ZNF652: variants seen among roughly 807,000 people sequenced by gnomAD.
ZNF652 encodes zinc finger protein 652.
A neutral mutation model predicts 45.2 loss-of-function variants in ZNF652; 16 were observed. That is an observed-to-expected ratio of 0.35 (90% CI 0.24 to 0.54). ZNF652 has a LOEUF of 0.54. Ranked by LOEUF, ZNF652 falls within the 20% of genes least tolerant of loss-of-function variation. ZNF652 has a pLI of 0.91. For missense variants in ZNF652, 614 were observed against 765.6 expected (o/e 0.80, Z 2.34); for synonymous variants, 250 against 260.6 (o/e 0.96, Z 0.39).
intron 1 of ZNF652, among the ~76,000 whole-genome samples, chr17:49,358,500 T>A (rs76242173): frequency 6.6e-6 from 1 of 152,168 alleles, no homozygotes; most frequent in Non-Finnish European, 1.5e-5. Flanking sequence ...CTCAGCTGAC[T>A]TTTTTATAAC....
At chr17:49,307,895 G>T (rs2069654994) in intron 5 of ZNF652, among the ~76,000 whole-genome samples, 1 of 152,234 alleles carries the variant, frequency 6.6e-6, no homozygotes, top group South Asian at 2.1e-4. Context: ...AAATTTATAA[G>T]AAATATATAG....
chr17:49,301,067 CT>C (rs1374175834), intron 5 of ZNF652, among the ~76,000 whole-genome samples: 2 of 152,072 alleles, frequency 1.3e-5, no homozygotes, highest in African/African-American at 4.8e-5. Flanking sequence ...TTTGGGACTC[CT>C]TTTTTCCCAC....
At position 49,295,942 on chromosome 17, in the gene ZNF652, A is replaced by AAAAAAC. The variant is rs1197226058; in HGVS notation, c.*2470_*2471insGTTTTT. The AAAAAAC allele has an allele frequency of 0.015, 1,352 of 88,736 alleles. 65 individuals are homozygous for AAAAAAC. The highest frequency in any genetic ancestry group is 0.057 in the African/African-American group (1,278 of 22,242). The allele number at this position is 88,736 out of a possible 1,614,324, so 5.5% of individuals were successfully genotyped here. On this transcript the variant is annotated 3_prime_UTR_variant, in exon 6 of 6. Coordinates refer to ENST00000430262, the MANE Select transcript of ZNF652 (RefSeq NM_001145365.3). ...AACAGAACAAGACTCTGCCTCAAAA[A>AAAAAAC]AAAAAAAAAAAAAAAAAAAAAAACA...
chr17:49,343,724 C>T lies in ZNF652; in HGVS notation c.-259+18185G>A, dbSNP rs146342655. Among the ~76,000 whole-genome samples, 151 of 151,268 alleles carry T rather than the reference C, an allele frequency of 1.0e-3. 7 individuals carry two copies. The East Asian group carries it at 0.022, about 22-fold the overall frequency. ...AAGATAACCAAACCAAGGATGTGAC[C>T]GAGCAGGCTGCCCAGAGCCCTGGGT... On this transcript the variant is annotated intron_variant, in intron 1 of 5. Transcript: ENST00000430262.
At position 49,307,650 on chromosome 17, in the gene ZNF652, G is replaced by A. The variant is rs369601054; in HGVS notation, c.1309+3662C>T. Among the ~76,000 whole-genome samples, 23 of 151,728 alleles carry A rather than the reference G, an allele frequency of 1.5e-4. 2 individuals carry two copies. In the East Asian group the frequency reaches 3.9e-3, roughly 26 times the overall value. On this transcript the variant is annotated intron_variant, in intron 5 of 5. Transcript: ENST00000430262. ...GCCTGTAATCCCAGCTACTCAGGAG[G>A]TTGAAGCAGGAGAATCGCTTGAACA...
At chr17:49,325,312 G>C (rs1388571385) in intron 1 of ZNF652, among the ~76,000 whole-genome samples, 1 of 152,122 alleles carries the variant, frequency 6.6e-6, no homozygotes, top group Non-Finnish European at 1.5e-5. Context: ...GAGAGGGAGA[G>C]AGATGGTGTA....
intron 1 of ZNF652, among the ~76,000 whole-genome samples, chr17:49,351,000 TATATATATATATATACACACACACAC>T (rs1429198950): frequency 8.3e-4 from 17 of 20,364 alleles, no homozygotes; most frequent in African/African-American, 3.9e-3. Context: ...TATATATATA[TATATATATATATATACACACACACAC>T]ACACACACAC....
intron 1 of ZNF652, among the ~76,000 whole-genome samples, chr17:49,357,882 T>C (rs969050565): frequency 3.3e-5 from 5 of 152,196 alleles, no homozygotes; most frequent in South Asian, 4.1e-4. Flanking sequence ...AATAAGCACA[T>C]TGCACCTGCA....
intron 5 of ZNF652, among the ~76,000 whole-genome samples, chr17:49,307,796 T>C (rs924013099): frequency 5.3e-5 from 8 of 152,084 alleles, no homozygotes; most frequent in South Asian, 2.1e-4. Context: ...CTTTATAGGA[T>C]TGTTGCAAAG....
At chr17:49,334,437 TCATTC>T (rs1309661674) in intron 1 of ZNF652, among the ~76,000 whole-genome samples, 1 of 151,982 alleles carries the variant, frequency 6.6e-6, no homozygotes, top group African/African-American at 2.4e-5. Flanking sequence ...TGAGCCATGA[TCATTC>T]CACTACACTC....
At chr17:49,331,279 G>A (rs1023941452) in intron 1 of ZNF652, among the ~76,000 whole-genome samples, 16 of 151,688 alleles carry the variant, frequency 1.1e-4, no homozygotes, top group Middle Eastern at 3.4e-3. Context: ...CCGCTACCAC[G>A]CCCGGCTAAT....
intron 1 of ZNF652, among the ~76,000 whole-genome samples, chr17:49,337,337 T>TAA (rs71369295): frequency 3.1e-5 from 4 of 130,530 alleles, no homozygotes; most frequent in East Asian, 2.1e-4. Context: ...CCCATTCTCT[T>TAA]AAAAAAAAAA....
At chr17:49,361,800 A>T (rs1405060218) in intron 1 of ZNF652, 109 bp downstream of exon 1, 1 of 151,536 alleles carries the variant, frequency 6.6e-6, no homozygotes, top group African/African-American at 2.4e-5. Context: ...GCGAAGGGTT[A>T]CGCCGGCCCC....
At chr17:49,332,229 C>T (rs1405868881) in intron 1 of ZNF652, among the ~76,000 whole-genome samples, 2 of 152,176 alleles carry the variant, frequency 1.3e-5, no homozygotes, top group Non-Finnish European at 2.9e-5. Context: ...GATCGCACCA[C>T]TGCACTCCAG....
chr17:49,317,807 TTTCTC>T lies in ZNF652; in HGVS notation c.-87_-83del. 1 of 1,339,942 alleles carries T rather than the reference TTTCTC, an allele frequency of 7.5e-7. No homozygotes were observed. Among genetic ancestry groups the T allele is most frequent in the South Asian group, 1.6e-5 (1 of 61,312 alleles). 83.0% of individuals were successfully genotyped at this position (1,339,942 alleles called of 1,614,324 possible). ...AAGGTAATTATTAAGACTCAAATCT[TTTCTC>T]ATCCACAAAGAATCACTCAAATGAA... On this transcript the variant is annotated 5_prime_UTR_variant, in exon 2 of 6. The change abolishes an upstream ATG in the 5' untranslated region. Transcript: ENST00000430262.
At chr17:49,327,764 TATATATATATATA>T (rs1567690499) in intron 1 of ZNF652, among the ~76,000 whole-genome samples, 10 of 5,450 alleles carry the variant, frequency 1.8e-3, no homozygotes, top group Non-Finnish European at 3.3e-3. Flanking sequence ...TATATATATA[TATATATATATATA>T]TATTTTTTTT....
intron 3 of ZNF652, 144 bp downstream of exon 3, chr17:49,312,554 T>C (rs1883741644): frequency 1.2e-6 from 1 of 804,158 alleles, no homozygotes; most frequent in Non-Finnish European, 1.9e-6. Context: ...AATTTGGTGA[T>C]ACTTACTGAA....
At chr17:49,326,148 C>A (rs768658577) in intron 1 of ZNF652, among the ~76,000 whole-genome samples, 2 of 149,764 alleles carry the variant, frequency 1.3e-5, no homozygotes, top group Non-Finnish European at 3.0e-5. Flanking sequence ...TACAGTGGCT[C>A]ATGCCTGTAA....
intron 1 of ZNF652, among the ~76,000 whole-genome samples, chr17:49,322,768 C>G (rs1192563537): frequency 6.6e-6 from 1 of 152,130 alleles, no homozygotes; most frequent in East Asian, 1.9e-4. Context: ...ACCTGTAGTC[C>G]GAGCTACTCG....
Sources: allele counts gnomAD v4.1 joint callset (sites outside exome capture counted in the v4.1 genomes callset), GRCh38; gene constraint gnomAD v4.1.1; transcripts MANE v1.5; gene names NCBI Gene and HGNC (gene_info 2026-07-23, HGNC 2026-07-21).